Variants in UGT1A4 observed in about 807,000 individuals in gnomAD.
UGT1A4 encodes the protein UDP-glucuronosyltransferase 1A4.
A neutral mutation model predicts 41.1 loss-of-function variants in UGT1A4; 32 were observed. That is an observed-to-expected ratio of 0.78 (90% CI 0.59 to 1.05). The LOEUF is 1.05. UGT1A4 is among the 50% of genes least tolerant of loss of function. UGT1A4 has a pLI of 0.00. For missense variants in UGT1A4, 748 were observed against 677.4 expected (o/e 1.10, Z -1.16); for synonymous variants, 283 against 265.1 (o/e 1.07, Z -0.66).
chr2:233,731,238 T>A (rs2078125574), intron 1 of UGT1A4, among the ~76,000 whole-genome samples: 1 of 152,108 alleles, frequency 6.6e-6, no homozygotes, highest in South Asian at 2.1e-4. Context: ...TGTTGAAAAG[T>A]GGGATGGCAT....
chr2:233,720,019 G>T (rs540203341), intron 1 of UGT1A4, among the ~76,000 whole-genome samples: 6 of 152,260 alleles, frequency 3.9e-5, no homozygotes, highest in African/African-American at 1.4e-4. Flanking sequence ...TCCATCCTGG[G>T]GTTTTTGCTT....
At chr2:233,745,790 T>G (rs1693218354) in intron 1 of UGT1A4, among the ~76,000 whole-genome samples, 2 of 150,238 alleles carry the variant, frequency 1.3e-5, no homozygotes, top group African/African-American at 2.5e-5. Flanking sequence ...ACAGGGGGGC[T>G]GGGGTCTATC....
chr2:233,727,765 T>C (rs2077651083), intron 1 of UGT1A4, among the ~76,000 whole-genome samples: 1 of 152,200 alleles, frequency 6.6e-6, no homozygotes. Context: ...TTGAGCTGGG[T>C]GTCCCCCAGT....
chr2:233,772,784 A>G lies in UGT1A4; in HGVS notation c.*225A>G. ...CGTGCCCCCTCTGGTGTCTTTGATCAGGATGACATGTGCCATTTTTCAGAG... is the reference window on the plus strand; with the variant it reads ...CGTGCCCCCTCTGGTGTCTTTGATCGGGATGACATGTGCCATTTTTCAGAG... On this transcript the variant is annotated 3_prime_UTR_variant, in exon 5 of 5. Transcript: ENST00000373409. 1 of 1,271,314 alleles carries G rather than the reference A, an allele frequency of 7.9e-7. No homozygotes were observed. Among genetic ancestry groups the G allele is most frequent in the Non-Finnish European group, 1.0e-6 (1 of 961,544 alleles). 78.8% of individuals were successfully genotyped at this position (1,271,314 alleles called of 1,614,324 possible).
At chr2:233,745,396 T>A (rs1020698339) in intron 1 of UGT1A4, among the ~76,000 whole-genome samples, 1 of 151,856 alleles carries the variant, frequency 6.6e-6, no homozygotes, top group Non-Finnish European at 1.5e-5. Flanking sequence ...TATTCTCTTT[T>A]TGACACTGGA....
chr2:233,743,207 A>C, intron 1 of UGT1A4: 1 of 394,578 alleles, frequency 2.5e-6, no homozygotes, highest in Non-Finnish European at 5.0e-6. Flanking sequence ...GTCAATGCGG[A>C]GTAACTGCTC....
At position 233,765,866 on chromosome 2, in the gene UGT1A4, G is replaced by A. The variant is rs1008092006; in HGVS notation, c.868-1168G>A. On this transcript the variant is annotated intron_variant, in intron 1 of 4. Transcript: ENST00000373409. ...TCCCCCTCACAGAGCATGTGACAGCGGGAGGGGCTCACTTTCTCAGTGCGC... is the reference window on the plus strand; with the variant it reads ...TCCCCCTCACAGAGCATGTGACAGCAGGAGGGGCTCACTTTCTCAGTGCGC... Among the ~76,000 whole-genome samples the A allele has an allele frequency of 3.3e-5, 5 of 152,054 alleles. No homozygotes were observed. The East Asian group carries it at 5.8e-4, about 18-fold the overall frequency.
chr2:233,724,335 G>T (rs2077226383), intron 1 of UGT1A4, among the ~76,000 whole-genome samples: 1 of 147,968 alleles, frequency 6.8e-6, no homozygotes, highest in Admixed American at 6.7e-5. Flanking sequence ...CCAGGCGGGG[G>T]GCTGACCCCC....
intron 1 of UGT1A4, chr2:233,754,831 A>G (rs1459496565): frequency 1.5e-6 from 2 of 1,342,814 alleles, no homozygotes; most frequent in Non-Finnish European, 2.0e-6. Flanking sequence ...AAAGCTGGAA[A>G]TTCACTGAAG....
At chr2:233,738,274 T>G (rs890858116) in intron 1 of UGT1A4, among the ~76,000 whole-genome samples, 8 of 152,200 alleles carry the variant, frequency 5.3e-5, no homozygotes, top group Non-Finnish European at 1.2e-4. Flanking sequence ...GCTCTTTCCT[T>G]TATAAATTAC....
intron 1 of UGT1A4, 116 bp from the exon 2 acceptor site, chr2:233,766,918 A>G: frequency 1.3e-6 from 2 of 1,548,282 alleles, no homozygotes; most frequent in Non-Finnish European, 1.7e-6. Flanking sequence ...TCTATCTCAA[A>G]CACGCATGCC....
chr2:233,729,525 T>C (rs763371606), intron 1 of UGT1A4: 3 of 1,614,216 alleles, frequency 1.9e-6, no homozygotes, highest in Non-Finnish European at 2.5e-6. Context: ...AGCTACTACA[T>C]AATGAGGCCC....
In UGT1A4 at chr2:233,738,655, C is replaced by T. The variant is rs542122703; in HGVS notation, c.867+18968C>T. Among the ~76,000 whole-genome samples, 17 of 152,092 alleles carry T rather than the reference C, an allele frequency of 1.1e-4. No homozygotes were observed. The East Asian group carries it at 1.4e-3, about 12-fold the overall frequency. On this transcript the variant is annotated intron_variant, in intron 1 of 4. Coordinates refer to ENST00000373409, the MANE Select transcript of UGT1A4 (RefSeq NM_007120.3). Reference sequence around the variant, plus strand: ...CCTGCCCTAGAGCTCTTTGGAACTACGAACTTGAGAGAGATGATCTGAAAT... The same window carrying T: ...CCTGCCCTAGAGCTCTTTGGAACTATGAACTTGAGAGAGATGATCTGAAAT...
chr2:233,760,739 A>C, intron 1 of UGT1A4: 1 of 1,613,934 alleles, frequency 6.2e-7, no homozygotes, highest in Non-Finnish European at 8.5e-7. Context: ...ATGCTGACGG[A>C]CCCTTTCCTT....
Position 233,768,459 on chromosome 2 carries a change from A to G in UGT1A4, c.1307+20A>G, listed in dbSNP as rs746261768. ...CAAAAGGTAAGAAAGAAGATACAGA[A>G]GAATACTTTGGTCATGGCATTCATG... On this transcript the variant is annotated intron_variant, in intron 4 of 4. Transcript: ENST00000373409. 1.1e-5 allele frequency: 17 copies of G among 1,609,762 alleles called. No homozygotes were observed. In the South Asian group the frequency reaches 1.9e-4, roughly 18 times the overall value.
chr2:233,742,188 G>A (rs1460351470), intron 1 of UGT1A4, among the ~76,000 whole-genome samples: 8 of 151,916 alleles, frequency 5.3e-5, no homozygotes, highest in Non-Finnish European at 8.8e-5. Context: ...AGTGTGGAGT[G>A]GGAAATCAGG....
intron 1 of UGT1A4, chr2:233,743,754 C>A (rs547258685): frequency 7.3e-7 from 1 of 1,367,378 alleles, no homozygotes; most frequent in Admixed American, 1.9e-5. Flanking sequence ...TCCGACAACA[C>A]CTCGTAGGCC....
chr2:233,755,186 G>T, intron 1 of UGT1A4: 2 of 1,186,224 alleles, frequency 1.7e-6, no homozygotes, highest in Non-Finnish European at 2.3e-6. Flanking sequence ...GGTGCCACTT[G>T]AGCGCCAGCT....
At chr2:233,759,276 T>C (rs943055975) in intron 1 of UGT1A4, among the ~76,000 whole-genome samples, 1 of 152,134 alleles carries the variant, frequency 6.6e-6, no homozygotes, top group African/African-American at 2.4e-5. Context: ...TGCATTCTGA[T>C]TGGTTGATGA....
Sources: allele counts gnomAD v4.1 joint callset (sites outside exome capture counted in the v4.1 genomes callset), GRCh38; gene constraint gnomAD v4.1.1; transcripts MANE v1.5; gene names NCBI Gene and HGNC (gene_info 2026-07-23, HGNC 2026-07-21).